SCAMP1: variants seen among roughly 807,000 people sequenced by gnomAD.
The protein encoded by SCAMP1 is secretory carrier-associated membrane protein 1.
In SCAMP1, 15 loss-of-function variants were observed where a neutral mutation model predicts 41.8. The observed-to-expected ratio is 0.36, with a 90% CI of 0.24 to 0.55. The LOEUF (loss-of-function observed/expected upper bound fraction) is 0.55. Among genes scored for constraint, SCAMP1 ranks in the 20% least tolerant of loss-of-function variants. SCAMP1 has a pLI of 0.86. For synonymous variants in SCAMP1, 135 were observed against 136.8 expected (o/e 0.99, Z 0.09); for missense variants, 341 against 412.6 (o/e 0.83, Z 1.50).
chr5:78,367,229 C>G (rs1474629760), intron 1 of SCAMP1, among the ~76,000 whole-genome samples: 3 of 152,170 alleles, frequency 2.0e-5, no homozygotes, highest in Non-Finnish European at 2.9e-5. Context: ...GCACCATTAT[C>G]TTATTTACCA....
Position 78,460,778 on chromosome 5 carries a change from T to G in SCAMP1, c.852+1416T>G, listed in dbSNP as rs187022092. Among the ~76,000 whole-genome samples the G allele has an allele frequency of 5.0e-3, 215 of 42,588 alleles. 1 individual carries two copies. Among genetic ancestry groups the G allele is most frequent in the African/African-American group, 0.027 (165 of 6,162 alleles). 27.9% of individuals were successfully genotyped at this position (42,588 alleles called of 152,430 possible). On this transcript the variant is annotated intron_variant, in intron 8 of 8. Coordinates refer to ENST00000621999, the MANE Select transcript of SCAMP1 (RefSeq NM_004866.6). ...CTTCCTTCCTTCCTTCCTTCCTTCC[T>G]TCCTTCCTTCCTTCCTTCCTTCCTT... is the stretch of plus-strand genomic sequence containing the variant.
intron 1 of SCAMP1, among the ~76,000 whole-genome samples, chr5:78,368,879 T>C (rs992022282): frequency 1.3e-5 from 2 of 152,186 alleles, no homozygotes; most frequent in African/African-American, 4.8e-5. Context: ...AAAGTTTACT[T>C]GAAGGTAAAG....
At chr5:78,417,249 G>A (rs1415945189) in intron 4 of SCAMP1, among the ~76,000 whole-genome samples, 1 of 152,156 alleles carries the variant, frequency 6.6e-6, no homozygotes, top group Non-Finnish European at 1.5e-5. Context: ...GTCATTGTTA[G>A]GATGTCTGGG....
intron 6 of SCAMP1, among the ~76,000 whole-genome samples, chr5:78,425,846 G>A (rs1213646751): frequency 1.3e-5 from 2 of 152,202 alleles, no homozygotes; most frequent in Admixed American, 1.3e-4. Context: ...TATTACATAG[G>A]TGTACGTGTG....
chr5:78,432,987 C>T (rs1258778932), intron 6 of SCAMP1, among the ~76,000 whole-genome samples: 1 of 152,082 alleles, frequency 6.6e-6, no homozygotes, highest in Admixed American at 6.6e-5. Context: ...CTGATTCTCT[C>T]CCACCCTCAG....
At chr5:78,436,380 C>A (rs138504230) in intron 6 of SCAMP1, among the ~76,000 whole-genome samples, 6,964 of 152,124 alleles carry the variant, frequency 0.046, 250 homozygotes, top group Non-Finnish European at 0.067. Context: ...GTCTTTAATC[C>A]ATCTTGAATT....
At chr5:78,418,634 C>G (rs1464112624) in intron 4 of SCAMP1, 141 bp from the exon 5 acceptor site, 6 of 597,188 alleles carry the variant, frequency 1.0e-5, no homozygotes, top group Non-Finnish European at 1.7e-5. Context: ...TTTCAGAGTT[C>G]TAGGAATACA....
intron 8 of SCAMP1, among the ~76,000 whole-genome samples, chr5:78,470,131 A>G (rs957824036): frequency 5.3e-5 from 8 of 152,002 alleles, no homozygotes; most frequent in African/African-American, 1.9e-4. Flanking sequence ...TAAAGTATAC[A>G]ATTTAATGGC....
chr5:78,460,546 C>A (rs1753557799), intron 8 of SCAMP1, among the ~76,000 whole-genome samples: 1 of 151,630 alleles, frequency 6.6e-6, no homozygotes, highest in African/African-American at 2.4e-5. Context: ...TGTATGTCTT[C>A]ATTCAAGAAG....
chr5:78,429,243 C>CA (rs1752538696), intron 6 of SCAMP1, among the ~76,000 whole-genome samples: 1 of 151,364 alleles, frequency 6.6e-6, no homozygotes, highest in South Asian at 2.1e-4. Flanking sequence ...TAAGAGAAAG[C>CA]ATTCACCATT....
rs1485078961 is a variant in SCAMP1, at chr5:78,477,651, A to G, written c.*1983A>G. ...ATTGGAATGTTTATATTATGTAGAAATCTTCAAAGGTAGCATTATTAAATA... is the reference window on the plus strand; with the variant it reads ...ATTGGAATGTTTATATTATGTAGAAGTCTTCAAAGGTAGCATTATTAAATA... On this transcript the variant is annotated 3_prime_UTR_variant, in exon 9 of 9. Transcript: ENST00000621999. The G allele has an allele frequency of 2.6e-5, 4 of 152,172 alleles. No individual in the cohort carries two copies. Among genetic ancestry groups the G allele is most frequent in the East Asian group, 1.9e-4 (1 of 5,202 alleles). 9.4% of individuals were successfully genotyped at this position (152,172 alleles called of 1,614,324 possible).
Position 78,449,079 on chromosome 5 carries a change from C to T in SCAMP1, c.633-854C>T, listed in dbSNP as rs374123825. 9.9e-5 allele frequency among the ~76,000 whole-genome samples: 15 copies of T among 151,652 alleles called. 1 individual carries two copies. The South Asian group carries it at 2.9e-3, about 29-fold the overall frequency. ...TTTGGCAGTTTCTTAAAAAGTTAAA[C>T]GTATACCTATGATATGTTCCAGCCT... On this transcript the variant is annotated intron_variant, in intron 6 of 8. Transcript: ENST00000621999.
rs545473418 is a variant in SCAMP1 at position 78,446,035 on chromosome 5, C to A, written c.633-3898C>A. On this transcript the variant is annotated intron_variant, in intron 6 of 8. Transcript: ENST00000621999. ...AAAAGTTGGTAAAATGAAATAAATACAATCTTTGAGAATGATATTTAACCT... is the reference window on the plus strand; with the variant it reads ...AAAAGTTGGTAAAATGAAATAAATAAAATCTTTGAGAATGATATTTAACCT... Among the ~76,000 whole-genome samples the A allele has an allele frequency of 3.3e-5, 5 of 152,264 alleles. No individual in the cohort carries two copies. In the South Asian group the frequency reaches 6.2e-4, roughly 19 times the overall value.
chr5:78,417,795 T>TA (rs1160702001), intron 4 of SCAMP1, among the ~76,000 whole-genome samples: 1 of 152,126 alleles, frequency 6.6e-6, no homozygotes, highest in African/African-American at 2.4e-5. Flanking sequence ...AGTATGAGAT[T>TA]GGTATGAGAA....
At chr5:78,367,207 C>A (rs1173574722) in intron 1 of SCAMP1, among the ~76,000 whole-genome samples, 1 of 152,206 alleles carries the variant, frequency 6.6e-6, no homozygotes, top group Non-Finnish European at 1.5e-5. Context: ...AAGATGCCAT[C>A]CTTTGTAAGA....
chr5:78,447,476 G>A (rs1277496302), intron 6 of SCAMP1, among the ~76,000 whole-genome samples: 4 of 152,104 alleles, frequency 2.6e-5, no homozygotes, highest in Non-Finnish European at 5.9e-5. Flanking sequence ...CTAATTTTGA[G>A]AAAGGTACAA....
chr5:78,440,744 A>C lies in SCAMP1; in HGVS notation c.633-9189A>C, dbSNP rs185530795. ...ACTACTCTCTTCAAAGCTGTCAGAC[A>C]GGGACATTGAAGTCTGCAGAAGTTT... On this transcript the variant is annotated intron_variant, in intron 6 of 8. Coordinates refer to ENST00000621999, the MANE Select transcript of SCAMP1 (RefSeq NM_004866.6). Among the ~76,000 whole-genome samples, 117 of 152,368 alleles carry C rather than the reference A, an allele frequency of 7.7e-4. 1 individual carries two copies. The East Asian group carries it at 0.013, about 17-fold the overall frequency.
intron 6 of SCAMP1, among the ~76,000 whole-genome samples, chr5:78,432,843 C>T (rs995607466): frequency 3.3e-5 from 5 of 152,016 alleles, no homozygotes; most frequent in African/African-American, 7.2e-5. Flanking sequence ...TCTTTATCGT[C>T]GCTTTCTGTA....
chr5:78,416,747 A>G (rs182327488), intron 4 of SCAMP1, 98 bp downstream of exon 4: 46 of 837,904 alleles, frequency 5.5e-5, no homozygotes, highest in Admixed American at 3.2e-4. Flanking sequence ...ATAAAACCCT[A>G]CCCTGTTTTC....
Sources: allele counts gnomAD v4.1 joint callset (sites outside exome capture counted in the v4.1 genomes callset), GRCh38; gene constraint gnomAD v4.1.1; transcripts MANE v1.5; gene names NCBI Gene and HGNC (gene_info 2026-07-23, HGNC 2026-07-21).